PTPRG: variants seen among roughly 807,000 people sequenced by gnomAD.
PTPRG encodes the protein receptor-type tyrosine-protein phosphatase gamma.
PTPRG carries 102 observed loss-of-function variants against 165.3 expected under a neutral mutation model. The observed-to-expected ratio is 0.62, with a 90% CI of 0.53 to 0.73. The LOEUF (loss-of-function observed/expected upper bound fraction) is 0.73. Among genes scored for constraint, PTPRG ranks in the 30% least tolerant of loss-of-function variants. The pLI, the probability that PTPRG is intolerant of heterozygous loss-of-function variation, is 0.00. For missense variants in PTPRG, 1,866 were observed against 1,861.4 expected (o/e 1.00, Z -0.05); for synonymous variants, 675 against 669.5 (o/e 1.01, Z -0.13).
At chr3:62,227,538 C>T (rs1284777462) in intron 13 of PTPRG, among the ~76,000 whole-genome samples, 2 of 152,342 alleles carry the variant, frequency 1.3e-5, no homozygotes, top group African/African-American at 4.8e-5. Flanking sequence ...GAAACGGTTT[C>T]CAGAAGGGGG....
At chr3:61,725,177 CT>C (rs1213779194) in intron 1 of PTPRG, among the ~76,000 whole-genome samples, 1 of 151,636 alleles carries the variant, frequency 6.6e-6, no homozygotes, top group African/African-American at 2.4e-5. Context: ...TTGAGATACG[CT>C]TTTTTTTGGG....
intron 1 of PTPRG, among the ~76,000 whole-genome samples, chr3:61,726,345 T>G (rs1428854589): frequency 6.6e-6 from 1 of 152,166 alleles, no homozygotes; most frequent in Admixed American, 6.5e-5. Context: ...TAGAGAGATG[T>G]ATGGGTTAAT....
intron 1 of PTPRG, among the ~76,000 whole-genome samples, chr3:61,605,581 T>C (rs13090771): frequency 1.1e-4 from 17 of 151,750 alleles, no homozygotes; most frequent in Non-Finnish European, 2.2e-4. Context: ...TTGTTTTTTT[T>C]ATTTTTAGAA....
intron 2 of PTPRG, among the ~76,000 whole-genome samples, chr3:61,915,559 T>A (rs2038913713): frequency 6.6e-6 from 1 of 152,222 alleles, no homozygotes; most frequent in African/African-American, 2.4e-5. Flanking sequence ...CTTATTATTC[T>A]TTGGCCTGTT....
At chr3:61,680,563 C>T (rs1298490577) in intron 1 of PTPRG, among the ~76,000 whole-genome samples, 1 of 146,588 alleles carries the variant, frequency 6.8e-6, no homozygotes, top group East Asian at 2.0e-4. Flanking sequence ...GTGGGTGACC[C>T]TTGGCTACTT....
chr3:61,654,583 G>A lies in PTPRG; in HGVS notation c.85+92211G>A, dbSNP rs138756190. On this transcript the variant is annotated intron_variant, in intron 1 of 29. Coordinates refer to ENST00000474889, the MANE Select transcript of PTPRG (RefSeq NM_002841.4). Reference sequence around the variant, plus strand: ...GTATTTTTAGTAGAGATGAGGTTTCGTCATGTTGTCCAGGCTGGTCTTGAA... The same window carrying A: ...GTATTTTTAGTAGAGATGAGGTTTCATCATGTTGTCCAGGCTGGTCTTGAA... Among the ~76,000 whole-genome samples the A allele has an allele frequency of 9.3e-3, 1,415 of 151,702 alleles. 24 individuals are homozygous for A. The highest frequency in any genetic ancestry group is 0.032 in the African/African-American group (1,318 of 41,376).
chr3:61,996,497 G>T (rs1330117840), intron 3 of PTPRG, among the ~76,000 whole-genome samples: 1 of 152,142 alleles, frequency 6.6e-6, no homozygotes, highest in Non-Finnish European at 1.5e-5. Flanking sequence ...AGACTGCCAA[G>T]CTTCTGATTA....
At chr3:61,864,364 G>A (rs1435190183) in intron 2 of PTPRG, among the ~76,000 whole-genome samples, 3 of 152,088 alleles carry the variant, frequency 2.0e-5, no homozygotes, top group Non-Finnish European at 4.4e-5. Context: ...GATCTCTAAC[G>A]ATGCCCATGT....
rs1193880383 is a variant in PTPRG, at chr3:61,989,766, C to G, written c.332C>G (p.Ser111Cys). 2 of 1,613,968 alleles carry G rather than the reference C, an allele frequency of 1.2e-6. No individual in the cohort carries two copies. Among genetic ancestry groups the G allele is most frequent in the South Asian group, 2.2e-5 (2 of 91,090 alleles). Residue 111 changes from serine to cysteine, a missense_variant, in exon 3 of 30, where the codon TCT (serine) becomes TGT (cysteine). Ser to Cys is a moderately radical substitution (Grantham distance 112). This residue lies in a region of PTPRG where 408 missense variants were observed against 376.2 expected (regional missense o/e 1.08). Coordinates refer to ENST00000474889, the MANE Select transcript of PTPRG (RefSeq NM_002841.4). ...ELQLDGFDNESSNKTWMKNTG... is the reference protein window; with the variant it reads ...ELQLDGFDNECSNKTWMKNTG... ...CAACTCGATGGCTTCGACAATGAGTCTTCTAACAAAACCTGGATGAAAAAC... is the reference window on the plus strand; with the variant it reads ...CAACTCGATGGCTTCGACAATGAGTGTTCTAACAAAACCTGGATGAAAAAC...
chr3:62,123,100 T>C (rs6800796), intron 5 of PTPRG, among the ~76,000 whole-genome samples: 3 of 152,230 alleles, frequency 2.0e-5, no homozygotes, highest in Non-Finnish European at 4.4e-5. Context: ...TCAGTTTCTG[T>C]GTGTCCTCAG....
chr3:61,610,737 T>C (rs1210487038), intron 1 of PTPRG, among the ~76,000 whole-genome samples: 4 of 139,814 alleles, frequency 2.9e-5, no homozygotes, highest in Admixed American at 7.2e-5. Flanking sequence ...CTCATTGCCT[T>C]CCTGCCTCCC....
In PTPRG at chr3:61,869,492, T is replaced by A. The variant is rs368748898; in HGVS notation, c.191-120133T>A. Reference sequence around the variant, plus strand: ...TGGCTCCAGTGGCTTCTGAAATGTGTTTACCCTGCGAACATTCCAAAGTTG... The same window carrying A: ...TGGCTCCAGTGGCTTCTGAAATGTGATTACCCTGCGAACATTCCAAAGTTG... On this transcript the variant is annotated intron_variant, in intron 2 of 29. Transcript: ENST00000474889. Among the ~76,000 whole-genome samples the A allele has an allele frequency of 2.0e-5, 3 of 152,104 alleles. No individual in the cohort carries two copies. The East Asian group carries it at 5.8e-4, about 29-fold the overall frequency.
At chr3:62,186,844 GGCGT>G (rs1699664374) in intron 8 of PTPRG, among the ~76,000 whole-genome samples, 4 of 152,100 alleles carry the variant, frequency 2.6e-5, no homozygotes. Context: ...TAGGATTACA[GGCGT>G]GAGCCACCAC....
intron 1 of PTPRG, among the ~76,000 whole-genome samples, chr3:61,717,377 G>A (rs2031854396): frequency 6.6e-6 from 1 of 152,172 alleles, no homozygotes; most frequent in African/African-American, 2.4e-5. Context: ...AAAGGCAATA[G>A]ACCCAGAACT....
chr3:61,568,927 C>T (rs1023496697), intron 1 of PTPRG, among the ~76,000 whole-genome samples: 10 of 150,988 alleles, frequency 6.6e-5, no homozygotes, highest in South Asian at 2.1e-4. Flanking sequence ...AAAAAAGATT[C>T]GTTTTAAGTG....
chr3:61,767,334 C>T (rs2034058106), intron 2 of PTPRG, among the ~76,000 whole-genome samples: 1 of 149,278 alleles, frequency 6.7e-6, no homozygotes, highest in Non-Finnish European at 1.5e-5. Flanking sequence ...CTTTTACTCT[C>T]ATTTTGTTTT....
chr3:62,109,404 A>G (rs1276244399), intron 5 of PTPRG, among the ~76,000 whole-genome samples: 2 of 152,114 alleles, frequency 1.3e-5, no homozygotes, highest in South Asian at 4.1e-4. Flanking sequence ...ATTGGACTAT[A>G]TATCTGTTTT....
At chr3:61,809,325 A>G (rs1033200479) in intron 2 of PTPRG, among the ~76,000 whole-genome samples, 5 of 152,068 alleles carry the variant, frequency 3.3e-5, no homozygotes, top group Admixed American at 1.3e-4. Context: ...CTTTTTTCAG[A>G]GAAAAATGTG....
chr3:62,080,276 A>G (rs1701526221), intron 5 of PTPRG, among the ~76,000 whole-genome samples: 1 of 149,198 alleles, frequency 6.7e-6, no homozygotes, highest in African/African-American at 2.5e-5. Flanking sequence ...GGGTTTCTCC[A>G]TGTTGGTCAG....
Sources: allele counts gnomAD v4.1 joint callset (sites outside exome capture counted in the v4.1 genomes callset), GRCh38; gene constraint gnomAD v4.1.1; regional missense constraint gnomAD v4.1.1; transcripts MANE v1.5; gene names NCBI Gene and HGNC (gene_info 2026-07-23, HGNC 2026-07-21).